The following EVI5 variants were observed in gnomAD, a reference collection of about 807,000 sequenced individuals.
EVI5 encodes ecotropic viral integration site 5.
A neutral mutation model predicts 112.0 loss-of-function variants in EVI5; 73 were observed. The observed-to-expected ratio is 0.65, with a 90% confidence interval of 0.54 to 0.79. The LOEUF (loss-of-function observed/expected upper bound fraction) is 0.79. EVI5 is among the 30% of genes least tolerant of loss of function. The probability of loss-of-function intolerance (pLI) is 0.00; values close to 1 mark genes in which losing one functional copy is unlikely to be tolerated. For missense variants in EVI5, 900 were observed against 968.8 expected (o/e 0.93, Z 0.94); for synonymous variants, 305 against 319.9 (o/e 0.95, Z 0.50).
chr1:92,762,655 T>C (rs1682056068), intron 1 of EVI5, among the ~76,000 whole-genome samples: 1 of 152,360 alleles, frequency 6.6e-6, no homozygotes, highest in African/African-American at 2.4e-5. Context: ...TAAGAAATTC[T>C]ATTAACTAAA....
chr1:92,552,122 GAAAAAAAA>G (rs143454054), intron 19 of EVI5, among the ~76,000 whole-genome samples: 2 of 123,158 alleles, frequency 1.6e-5, no homozygotes. Flanking sequence ...GGGCTGTAGG[GAAAAAAAA>G]AAAAAAAAAA....
chr1:92,545,988 C>T (rs1665621285), intron 19 of EVI5, among the ~76,000 whole-genome samples: 1 of 152,018 alleles, frequency 6.6e-6, no homozygotes, highest in Admixed American at 6.6e-5. Context: ...GATTTTCTGA[C>T]ATGTTTCTAG....
chr1:92,635,426 G>A (rs1451188668), intron 14 of EVI5, among the ~76,000 whole-genome samples: 1 of 152,184 alleles, frequency 6.6e-6, no homozygotes, highest in Non-Finnish European at 1.5e-5. Flanking sequence ...TTTGATCTCA[G>A]ACTGCTGTGC....
rs1355892402 is a variant in EVI5 at position 92,513,783 on chromosome 1, T to C, written c.2354A>G (p.Asp785Gly). 1 of 1,613,350 alleles carries C rather than the reference T, an allele frequency of 6.2e-7. No individual in the cohort carries two copies. Among genetic ancestry groups the C allele is most frequent in the Non-Finnish European group, 8.5e-7 (1 of 1,179,832 alleles). The change falls in exon 20 of 20, where the codon GAC (aspartate) becomes GGC (glycine). Residue 785 changes from aspartate to glycine, a missense_variant. Transcript: ENST00000684568. ...LHGKSGSMSLDPAVADGSESE... is the reference protein window; with the variant it reads ...LHGKSGSMSLGPAVADGSESE... ...CTCACTACCATCTGCCACTGCGGGG[T>C]CCAAAGACATCGAACCAGATTTTCC... is the stretch of plus-strand genomic sequence containing the variant.
intron 15 of EVI5, 42 bp from the exon 16 acceptor site, chr1:92,624,376 T>A (rs1655196025): frequency 6.5e-7 from 1 of 1,536,948 alleles, no homozygotes; most frequent in Non-Finnish European, 9.0e-7. Context: ...ACTCTCAGTA[T>A]CAAAATAAGA....
Position 92,625,905 on chromosome 1 carries a change from A to C in EVI5, c.1557T>G (p.Asn519Lys), listed in dbSNP as rs753453718. The C allele has an allele frequency of 4.4e-6, 7 of 1,608,204 alleles. No individual in the cohort carries two copies. The highest frequency in any genetic ancestry group is 5.1e-6 in the Non-Finnish European group (6 of 1,174,858). The change falls in exon 15 of 20, where the codon AAT becomes AAG. Residue 519 changes from asparagine (N) to lysine (K), a missense_variant. Physicochemically the swap from Asn to Lys is moderately conservative, Grantham distance 94 (BLOSUM62 0). Coordinates refer to ENST00000684568, the MANE Select transcript of EVI5 (RefSeq NM_001350197.2). ...TGAGTTCTTCCTGAAGCCTTGCAAT[A>C]TTATTCTCATCAGGAAGGGAGTTAT... ...KRNNSLPDEN[N>K]IARLQEELIA...
chr1:92,708,258 A>G (rs1672308338), intron 2 of EVI5, among the ~76,000 whole-genome samples: 1 of 152,156 alleles, frequency 6.6e-6, no homozygotes, highest in South Asian at 2.1e-4. Flanking sequence ...AGGGACTTGT[A>G]TCTAGAATAT....
Position 92,791,923 on chromosome 1 carries a change from C to T in EVI5, c.51+421G>A, listed in dbSNP as rs923204692. The stretch of plus-strand genomic sequence containing the variant: ...ACTGTCACCAAATAGAGTTTGTGAA[C>T]AAATGCTATGGTAACCAGTCATTTT... On this transcript the variant is annotated intron_variant, in intron 1 of 17. Transcript: ENST00000370331. Among the ~76,000 whole-genome samples the T allele has an allele frequency of 3.9e-5, 6 of 152,176 alleles. No homozygotes were observed. In the South Asian group the frequency reaches 1.2e-3, roughly 31 times the overall value.
intron 14 of EVI5, among the ~76,000 whole-genome samples, chr1:92,629,290 T>G (rs1571976992): frequency 6.6e-6 from 1 of 152,214 alleles, no homozygotes; most frequent in African/African-American, 2.4e-5. Flanking sequence ...TCTGTTTCAT[T>G]AAGAAAATAG....
chr1:92,597,355 A>G (rs1345956096), intron 18 of EVI5, among the ~76,000 whole-genome samples: 1 of 152,192 alleles, frequency 6.6e-6, no homozygotes, highest in Non-Finnish European at 1.5e-5. Flanking sequence ...TGAGGATAGC[A>G]AAAAAATTCT....
intron 13 of EVI5, among the ~76,000 whole-genome samples, chr1:92,643,371 A>G (rs1265108055): frequency 6.8e-6 from 1 of 147,788 alleles, no homozygotes; most frequent in Admixed American, 6.9e-5. Context: ...ATCATCAATG[A>G]TCACTCAAGT....
chr1:92,676,786 T>C (rs1256777304), intron 10 of EVI5, among the ~76,000 whole-genome samples: 1 of 152,176 alleles, frequency 6.6e-6, no homozygotes, highest in Non-Finnish European at 1.5e-5. Context: ...TAGTGTAATA[T>C]ATGCTCTATT....
intron 10 of EVI5, among the ~76,000 whole-genome samples, chr1:92,676,499 G>C (rs1415294): frequency 0.92 from 140,089 of 152,090 alleles, 64,606 homozygotes; most frequent in East Asian, 0.97. Flanking sequence ...ACTTATCAAC[G>C]CCATCCTACA....
At chr1:92,704,507 G>A (rs770817467) in intron 3 of EVI5, 48 bp downstream of exon 3, 2 of 1,203,102 alleles carry the variant, frequency 1.7e-6, no homozygotes, top group Non-Finnish European at 2.3e-6. Flanking sequence ...AGTTATGTCT[G>A]ACGCACTATG....
chr1:92,565,950 A>AAAAAC (rs1669391916), intron 18 of EVI5, among the ~76,000 whole-genome samples: 1 of 143,562 alleles, frequency 7.0e-6, no homozygotes. Context: ...AGCCCGAGCA[A>AAAAAC]AAAAAAAAAA....
chr1:92,783,496 A>AG lies in EVI5; in HGVS notation c.-82+1339_-82+1340insC, dbSNP rs1251751446. Reference sequence around the variant, plus strand: ...GAGACTCAGCCTTAAAAAAAAAAAAAAAAAAAAAAAAGAAAAGAAAAGAAA... The same window carrying AG: ...GAGACTCAGCCTTAAAAAAAAAAAAAGAAAAAAAAAAAGAAAAGAAAAGAAA... On this transcript the variant is annotated intron_variant, in intron 1 of 19. Transcript: ENST00000684568. Among the ~76,000 whole-genome samples, 384 of 125,758 alleles carry AG rather than the reference A, an allele frequency of 3.1e-3. 7 individuals are homozygous for AG. Among genetic ancestry groups the AG allele is most frequent in the African/African-American group, 0.011 (361 of 34,146 alleles). 82.5% of individuals were successfully genotyped at this position (125,758 alleles called of 152,430 possible).
At chr1:92,628,696 A>C (rs1203065188) in intron 14 of EVI5, among the ~76,000 whole-genome samples, 2 of 152,158 alleles carry the variant, frequency 1.3e-5, no homozygotes, top group African/African-American at 4.8e-5. Context: ...AAAGCTCCCT[A>C]GATAAAAAGG....
chr1:92,605,806 C>A (rs1353829308), intron 17 of EVI5, among the ~76,000 whole-genome samples: 3 of 152,070 alleles, frequency 2.0e-5, no homozygotes, highest in African/African-American at 7.2e-5. Flanking sequence ...AATATCCACA[C>A]ATTTTACACA....
In EVI5 at chr1:92,745,375, T is replaced by C. The variant is rs905202963; in HGVS notation, c.-81-8748A>G. On this transcript the variant is annotated intron_variant, in intron 1 of 19. Coordinates refer to ENST00000684568, the MANE Select transcript of EVI5 (RefSeq NM_001350197.2). ...GGTACTTCTTGTTTATATTAAATAT[T>C]GTGACATTCATTAATAATGATAATA... Among the ~76,000 whole-genome samples the C allele has an allele frequency of 2.3e-4, 35 of 152,316 alleles. 1 individual carries two copies. Among genetic ancestry groups the C allele is most frequent in the Admixed American group, 2.3e-3 (35 of 15,304 alleles).
Sources: allele counts gnomAD v4.1 joint callset (sites outside exome capture counted in the v4.1 genomes callset), GRCh38; gene constraint gnomAD v4.1.1; transcripts MANE v1.5; gene names NCBI Gene and HGNC (gene_info 2026-07-23, HGNC 2026-07-21).